Variants in RGS6 observed in about 807,000 individuals in gnomAD.
RGS6 encodes the protein regulator of G-protein signaling 6.
In RGS6, 30 loss-of-function variants were observed where a neutral mutation model predicts 78.5. That is an observed-to-expected ratio of 0.38 (90% CI 0.29 to 0.52). The LOEUF is 0.52. Among genes scored for constraint, RGS6 ranks in the 20% least tolerant of loss-of-function variants. The probability of loss-of-function intolerance (pLI) is 0.85; values close to 1 mark genes in which losing one functional copy is unlikely to be tolerated. For missense variants in RGS6, 495 were observed against 609.7 expected, an observed-to-expected ratio of 0.81 and a Z score of 1.98; for synonymous variants, 206 against 206.0, an observed-to-expected ratio of 1.00 and a Z score of 0.00.
intron 2 of RGS6, among the ~76,000 whole-genome samples, chr14:72,120,580 A>G (rs1033433960): frequency 3.3e-5 from 5 of 152,246 alleles, no homozygotes; most frequent in African/African-American, 1.2e-4. Context: ...CCAAATGTTT[A>G]ACAGGAGAAC....
chr14:72,221,703 AC>A (rs1267538819), intron 2 of RGS6, among the ~76,000 whole-genome samples: 1 of 152,248 alleles, frequency 6.6e-6, no homozygotes, highest in East Asian at 1.9e-4. Context: ...TGTAGCAAAG[AC>A]ATAGAAAGCA....
At chr14:72,108,096 A>G (rs552426787) in intron 2 of RGS6, among the ~76,000 whole-genome samples, 2 of 152,276 alleles carry the variant, frequency 1.3e-5, no homozygotes, top group East Asian at 3.9e-4. Context: ...TCCAAAGCTC[A>G]TTCTGTAGTA....
At chr14:72,004,520 A>G (rs1029351529) in intron 2 of RGS6, among the ~76,000 whole-genome samples, 2 of 152,174 alleles carry the variant, frequency 1.3e-5, no homozygotes, top group Admixed American at 6.5e-5. Flanking sequence ...ATTGCTCAGT[A>G]ATGGTGAAGG....
chr14:72,222,304 A>G (rs1408541390), intron 2 of RGS6, among the ~76,000 whole-genome samples: 1 of 152,208 alleles, frequency 6.6e-6, no homozygotes, highest in Non-Finnish European at 1.5e-5. Flanking sequence ...GGTAAATGGC[A>G]TCCTGCCCAC....
At chr14:72,207,844 C>T (rs955163793) in intron 2 of RGS6, among the ~76,000 whole-genome samples, 6 of 152,200 alleles carry the variant, frequency 3.9e-5, no homozygotes, top group African/African-American at 1.4e-4. Flanking sequence ...GCTGTCCACG[C>T]TTCAGGCTTA....
intron 2 of RGS6, among the ~76,000 whole-genome samples, chr14:71,982,369 C>A (rs1410120164): frequency 6.6e-6 from 1 of 152,198 alleles, no homozygotes; most frequent in Non-Finnish European, 1.5e-5. Flanking sequence ...TAGAAGACAT[C>A]ATTTACGGCT....
chr14:72,601,957 G>A, the RGS6 span, among the ~76,000 whole-genome samples: 2 of 152,230 alleles, frequency 1.3e-5, no homozygotes, highest in South Asian at 2.1e-4. Context: ...GGGGGCGCTT[G>A]TGGCCTTTGC....
chr14:72,590,678 A>G, the RGS6 span, among the ~76,000 whole-genome samples: 1 of 152,242 alleles, frequency 6.6e-6, no homozygotes, highest in Non-Finnish European at 1.5e-5. Flanking sequence ...CTTGCAGCAA[A>G]AAGTAACCAG....
intron 11 of RGS6, among the ~76,000 whole-genome samples, chr14:72,477,772 A>G (rs2096274268): frequency 6.7e-6 from 1 of 149,976 alleles, no homozygotes; most frequent in African/African-American, 2.4e-5. Context: ...ACTCCAGCCT[A>G]GGCAACAGAA....
chr14:72,411,298 T>C (rs1454650233), intron 3 of RGS6, among the ~76,000 whole-genome samples: 1 of 152,216 alleles, frequency 6.6e-6, no homozygotes, highest in African/African-American at 2.4e-5. Context: ...CCCTTGTCAG[T>C]TGGATTCCTA....
chr14:72,382,741 G>A (rs745779554), intron 3 of RGS6, among the ~76,000 whole-genome samples: 3 of 152,168 alleles, frequency 2.0e-5, no homozygotes, highest in Non-Finnish European at 4.4e-5. Flanking sequence ...TCATATGGTA[G>A]AATTATACAA....
At chr14:72,532,440 C>A (rs1444042264) in intron 15 of RGS6, among the ~76,000 whole-genome samples, 9 of 152,118 alleles carry the variant, frequency 5.9e-5, no homozygotes. Context: ...GAAATTGGGC[C>A]AATTAATAAC....
At chr14:72,431,465 G>A (rs1342829583) in intron 3 of RGS6, among the ~76,000 whole-genome samples, 1 of 152,134 alleles carries the variant, frequency 6.6e-6, no homozygotes, top group Non-Finnish European at 1.5e-5. Flanking sequence ...TGATTCTCAT[G>A]CCTCAGCCTC....
intron 3 of RGS6, among the ~76,000 whole-genome samples, chr14:72,377,641 G>A (rs1004624918): frequency 3.3e-5 from 5 of 152,012 alleles, no homozygotes; most frequent in Admixed American, 6.6e-5. Flanking sequence ...AGGCTTGACC[G>A]TATATTAGGA....
the RGS6 span, among the ~76,000 whole-genome samples, chr14:72,590,927 CCT>C: frequency 6.6e-6 from 1 of 152,152 alleles, no homozygotes; most frequent in Admixed American, 6.5e-5. Context: ...CATCCTAACC[CCT>C]CTGTTATTTT....
At chr14:71,934,723 G>A (rs2088704507) in intron 1 of RGS6, among the ~76,000 whole-genome samples, 1 of 152,178 alleles carries the variant, frequency 6.6e-6, no homozygotes, top group African/African-American at 2.4e-5. Flanking sequence ...GGTTACTGTG[G>A]ACAATTTGCC....
chr14:72,374,214 T>C (rs1034388407), intron 3 of RGS6, among the ~76,000 whole-genome samples: 1 of 152,118 alleles, frequency 6.6e-6, no homozygotes, highest in Non-Finnish European at 1.5e-5. Flanking sequence ...ATATTAGGTA[T>C]TTCTCCTAAT....
intron 14 of RGS6, among the ~76,000 whole-genome samples, chr14:72,517,270 C>T (rs2096960543): frequency 6.6e-6 from 1 of 152,150 alleles, no homozygotes; most frequent in South Asian, 2.1e-4. Flanking sequence ...ACTAGACTAC[C>T]TGTGATTCCC....
chr14:72,181,340 C>A (rs1484692274), intron 2 of RGS6, among the ~76,000 whole-genome samples: 1 of 152,182 alleles, frequency 6.6e-6, no homozygotes, highest in Non-Finnish European at 1.5e-5. Flanking sequence ...TTGATTCAAG[C>A]TCTCATAATT....
Sources: allele counts gnomAD v4.1 joint callset (sites outside exome capture counted in the v4.1 genomes callset), GRCh38; gene constraint gnomAD v4.1.1; transcripts MANE v1.5; gene names NCBI Gene and HGNC (gene_info 2026-07-23, HGNC 2026-07-21).